The following IQSEC3 variants were observed in gnomAD, a reference collection of about 807,000 sequenced individuals.
IQSEC3 encodes IQ motif and SEC7 domain-containing protein 3.
IQSEC3 carries 50 observed loss-of-function variants against 105.4 expected under a neutral mutation model. The ratio of observed to expected loss-of-function variants is 0.47; its 90% CI spans 0.38 to 0.60. The LOEUF (loss-of-function observed/expected upper bound fraction) is 0.60, where lower values mean the gene tolerates loss of function less well. Among genes scored for constraint, IQSEC3 ranks in the 20% least tolerant of loss-of-function variants. IQSEC3 has a pLI of 0.00. For synonymous variants in IQSEC3, 708 were observed against 746.0 expected (o/e 0.95, Z 0.83); for missense variants, 1,415 against 1,630.0 (o/e 0.87, Z 2.27).
intron 5 of IQSEC3, among the ~76,000 whole-genome samples, chr12:145,807 A>AAAG (rs1285398434): frequency 3.9e-5 from 6 of 152,202 alleles, no homozygotes; most frequent in African/African-American, 1.4e-4. Context: ...CAGCAGGTTT[A>AAAG]AAGTCCAGCG....
At chr12:147,873 A>G (rs1866343122) in intron 5 of IQSEC3, 2 of 152,182 alleles carry the variant, frequency 1.3e-5, no homozygotes. Flanking sequence ...TCTCTGGTGC[A>G]TGTATATCTT....
intron 3 of IQSEC3, among the ~76,000 whole-genome samples, chr12:134,299 G>A (rs1032749371): frequency 2.0e-5 from 3 of 152,274 alleles, no homozygotes; most frequent in African/African-American, 7.2e-5. Flanking sequence ...GGGACTTGAT[G>A]TCTAGTAGAG....
chr12:147,598 C>G (rs951275920), intron 5 of IQSEC3, among the ~76,000 whole-genome samples: 1 of 152,120 alleles, frequency 6.6e-6, no homozygotes, highest in East Asian at 1.9e-4. Context: ...TGTCAGTCCC[C>G]CATCATGAAT....
chr12:91,345 TGTA>T (rs1475047442), intron 1 of IQSEC3, among the ~76,000 whole-genome samples: 1 of 152,192 alleles, frequency 6.6e-6, no homozygotes, highest in Non-Finnish European at 1.5e-5. Context: ...CACAGCCTCC[TGTA>T]ATCCTGTGAG....
At chr12:124,824 T>C (rs1300622091) in intron 2 of IQSEC3, among the ~76,000 whole-genome samples, 1 of 152,230 alleles carries the variant, frequency 6.6e-6, no homozygotes, top group Non-Finnish European at 1.5e-5. Context: ...CAAAGCAGGC[T>C]GGACCATGTC....
At chr12:165,579 G>T (rs1555098082) in intron 10 of IQSEC3, 46 bp downstream of exon 10, 1 of 1,544,642 alleles carries the variant, frequency 6.5e-7, no homozygotes, top group Admixed American at 1.7e-5. Flanking sequence ...GGAATGAATG[G>T]ATGAAATGGC....
intron 4 of IQSEC3, 197 bp downstream of exon 4, chr12:139,551 T>C: frequency 2.2e-6 from 1 of 444,730 alleles, no homozygotes; most frequent in Non-Finnish European, 4.0e-6. Context: ...TTAATCATCC[T>C]GAGTTTATTT....
chr12:175,063 A>T lies in IQSEC3; in HGVS notation c.*30A>T. On this transcript the variant is annotated 3_prime_UTR_variant, in exon 14 of 14. Transcript: ENST00000538872. ...TGCCCCACCACCCTGCTGTCCTGGGAGGGCTGGCCACTGGGGGGCCTGGGC... is the reference window on the plus strand; with the variant it reads ...TGCCCCACCACCCTGCTGTCCTGGGTGGGCTGGCCACTGGGGGGCCTGGGC... The T allele has an allele frequency of 6.8e-7, 1 of 1,474,030 alleles. No homozygotes were observed. Among genetic ancestry groups the T allele is most frequent in the Non-Finnish European group, 9.0e-7 (1 of 1,114,226 alleles). 91.3% of individuals were successfully genotyped at this position (1,474,030 alleles called of 1,614,324 possible). A position where few individuals can be genotyped will look rare whatever the true frequency, so the allele number is the denominator to read the frequency against.
chr12:119,582 C>T (rs982406780), intron 2 of IQSEC3, among the ~76,000 whole-genome samples: 1 of 152,116 alleles, frequency 6.6e-6, no homozygotes, highest in Non-Finnish European at 1.5e-5. Flanking sequence ...GAAGCAGACT[C>T]GAGTTCAGAA....
intron 2 of IQSEC3, among the ~76,000 whole-genome samples, chr12:120,660 G>A (rs563155247): frequency 1.3e-5 from 2 of 152,154 alleles, no homozygotes; most frequent in Non-Finnish European, 2.9e-5. Flanking sequence ...CAACACACAG[G>A]TCATTCTGCT....
At chr12:126,254 G>T (rs1555083462) in intron 3 of IQSEC3, among the ~76,000 whole-genome samples, 1 of 152,232 alleles carries the variant, frequency 6.6e-6, no homozygotes, top group East Asian at 1.9e-4. Flanking sequence ...TCCATCTGCT[G>T]CTTAGAGGCC....
chr12:157,546 C>T lies in IQSEC3; in HGVS notation c.2295C>T (p.Cys765=). 1 of 1,613,792 alleles carries T rather than the reference C, an allele frequency of 6.2e-7. No homozygotes were observed. The highest frequency in any genetic ancestry group is 8.5e-7 in the Non-Finnish European group (1 of 1,179,766). ...IEAFSQRYCM[C]NPEVVQQFHN... ...CCCACAGCCAGCGCTACTGCATGTG[C>T]AACCCCGAAGTGGTTCAGCAGTTCC... is the stretch of plus-strand genomic sequence containing the variant. The change falls in exon 7 of 14, where the codon TGC becomes TGT. Residue 765 remains cysteine (C), a synonymous_variant. Coordinates refer to ENST00000538872, the MANE Select transcript of IQSEC3 (RefSeq NM_001170738.2).
In IQSEC3 at chr12:139,007, G is replaced by C. The variant is rs782488416; in HGVS notation, c.1644G>C (p.Ala548=). The C allele has an allele frequency of 3.9e-6, 6 of 1,522,880 alleles. No individual in the cohort carries two copies. The highest frequency in any genetic ancestry group is 5.3e-6 in the Non-Finnish European group (6 of 1,135,304). The allele number at this position is 1,522,880 out of a possible 1,614,324, so 94.3% of individuals were successfully genotyped here. The change falls in exon 4 of 14, where the codon GCG becomes GCC. Residue 548 remains alanine, a synonymous_variant. Coordinates refer to ENST00000538872, the MANE Select transcript of IQSEC3 (RefSeq NM_001170738.2). ...CCCCCGCCGTGGGCCGGGAGGACGC[G>C]TCAGCCGAGGACTCATGCGCAGAGG... is the stretch of plus-strand genomic sequence containing the variant. The part of the protein sequence containing the change: ...PEAPAVGRED[A]SAEDSCAEAA...
chr12:174,941 C>CCA lies in IQSEC3; in HGVS notation c.3459_3460dup (p.Pro1154HisfsTer66), dbSNP rs1461697620. ...CCACCAGCCTCCGCTGCCCCCGCCC[C>CCA]CACCCCCCTACAACCACCCTCACCA... On this transcript the variant is annotated frameshift_variant, in exon 14 of 14. Coordinates refer to ENST00000538872, the MANE Select transcript of IQSEC3 (RefSeq NM_001170738.2). LOFTEE classifies it high-confidence loss of function. The CCA allele has an allele frequency of 6.5e-7, 1 of 1,541,624 alleles. No individual in the cohort carries two copies. The highest frequency in any genetic ancestry group is 1.2e-5 in the South Asian group (1 of 84,388).
chr12:160,176 GT>G (rs34294220), intron 7 of IQSEC3, among the ~76,000 whole-genome samples: 60,662 of 148,474 alleles, frequency 0.41, 12,809 homozygotes, highest in African/African-American at 0.54. Flanking sequence ...CCTTTTTTCT[GT>G]TTTTTTTTTC....
chr12:107,534 C>T lies in IQSEC3; in HGVS notation c.623+8320C>T, dbSNP rs185470751. 9.8e-3 allele frequency among the ~76,000 whole-genome samples: 1,491 copies of T among 151,466 alleles called. 62 individuals carry two copies. The East Asian group carries it at 0.12, about 12-fold the overall frequency. On this transcript the variant is annotated intron_variant, in intron 2 of 13. Coordinates refer to ENST00000538872, the MANE Select transcript of IQSEC3 (RefSeq NM_001170738.2). Reference sequence around the variant, plus strand: ...ACGCCATTCTCCTGCCTCAGCCTCCCGAGTAGCTGGGACTACAGGTGCCCG... The same window carrying T: ...ACGCCATTCTCCTGCCTCAGCCTCCTGAGTAGCTGGGACTACAGGTGCCCG...
chr12:127,071 C>T (rs918970744), intron 3 of IQSEC3, among the ~76,000 whole-genome samples: 1 of 151,920 alleles, frequency 6.6e-6, no homozygotes, highest in African/African-American at 2.4e-5. Flanking sequence ...AAATATTCAT[C>T]AAAAAAAATC....
intron 2 of IQSEC3, among the ~76,000 whole-genome samples, chr12:115,420 G>A (rs781872722): frequency 6.6e-6 from 1 of 152,204 alleles, no homozygotes; most frequent in Non-Finnish European, 1.5e-5. Flanking sequence ...CCTCATGCCT[G>A]CCTCTGGTAT....
chr12:165,363 G>A (rs1021809087), intron 9 of IQSEC3, 71 bp from the exon 10 acceptor site: 38 of 1,131,722 alleles, frequency 3.4e-5, no homozygotes, highest in African/African-American at 2.9e-4. Flanking sequence ...TGCATCCCCC[G>A]GGTGTTTGTG....
Sources: gnomAD v4.1 joint callset for allele counts (sites outside exome capture counted in the v4.1 genomes callset) on GRCh38, gnomAD v4.1.1 for gene constraint, MANE v1.5 for transcripts, NCBI Gene and HGNC (gene_info 2026-07-23, HGNC 2026-07-21) for gene names.